SHANK2: variants seen among roughly 807,000 people sequenced by gnomAD.
SHANK2 encodes SH3 and multiple ankyrin repeat domains protein 2.
In SHANK2, 43 loss-of-function variants were observed where a neutral mutation model predicts 133.7. The observed-to-expected ratio is 0.32, with a 90% CI of 0.25 to 0.41. SHANK2 has a LOEUF of 0.41. Among genes scored for constraint, SHANK2 ranks in the 10% least tolerant of loss-of-function variants. SHANK2 has a pLI of 1.00. For missense variants in SHANK2, 1,994 were observed against 2,235.8 expected, an observed-to-expected ratio of 0.89 and a Z score of 2.18; for synonymous variants, 1,017 against 952.8, an observed-to-expected ratio of 1.07 and a Z score of -1.24.
intron 10 of SHANK2, among the ~76,000 whole-genome samples, chr11:70,915,237 C>T (rs1950253631): frequency 6.6e-6 from 1 of 152,194 alleles, no homozygotes; most frequent in Admixed American, 6.5e-5. Flanking sequence ...TTTGCTGCCA[C>T]TGGGAATCTC....
At chr11:70,885,194 A>AGGGGAACCGCGCGGGGAACCGCGC (rs56188788) in intron 11 of SHANK2, among the ~76,000 whole-genome samples, 2,536 of 151,642 alleles carry the variant, frequency 0.017, 50 homozygotes, top group East Asian at 0.057. Context: ...CGCTGTATAG[A>AGGGGAACCGCGCGGGGAACCGCGC]GGGGAACCGC....
chr11:70,773,559 C>T (rs1400824053), intron 14 of SHANK2, among the ~76,000 whole-genome samples: 7 of 152,182 alleles, frequency 4.6e-5, no homozygotes, highest in African/African-American at 7.2e-5. Context: ...TGACTATGAA[C>T]GTGGGATAGA....
chr11:71,164,551 A>G (rs1363178314), intron 2 of SHANK2, among the ~76,000 whole-genome samples: 1 of 152,212 alleles, frequency 6.6e-6, no homozygotes, highest in African/African-American at 2.4e-5. Flanking sequence ...CACCTTCTAA[A>G]CTATGGGTTA....
At chr11:70,533,294 T>G (rs1224787204) in intron 17 of SHANK2, among the ~76,000 whole-genome samples, 1 of 152,198 alleles carries the variant, frequency 6.6e-6, no homozygotes, top group African/African-American at 2.4e-5. Context: ...CTTGCTGTGT[T>G]GTCTAGGCTG....
intron 21 of SHANK2, among the ~76,000 whole-genome samples, chr11:70,495,576 C>T (rs1555156909): frequency 6.6e-6 from 1 of 152,222 alleles, no homozygotes; most frequent in African/African-American, 2.4e-5. Flanking sequence ...GTGTCTCCTG[C>T]ACCAGGGAGT....
intron 3 of SHANK2, among the ~76,000 whole-genome samples, chr11:71,145,691 G>C (rs2135398476): frequency 6.6e-6 from 1 of 152,314 alleles, no homozygotes; most frequent in East Asian, 1.9e-4. Context: ...TGGGACCCTG[G>C]ATGGGCACCA....
At chr11:70,546,838 G>A (rs2059702172) in intron 17 of SHANK2, among the ~76,000 whole-genome samples, 1 of 152,184 alleles carries the variant, frequency 6.6e-6, no homozygotes, top group African/African-American at 2.4e-5. Context: ...ACCTTCTGGG[G>A]GGCATCCTGC....
At chr11:70,607,653 C>G (rs1406573406) in intron 17 of SHANK2, among the ~76,000 whole-genome samples, 1 of 152,210 alleles carries the variant, frequency 6.6e-6, no homozygotes, top group Admixed American at 6.5e-5. Flanking sequence ...CCCTGTATAC[C>G]CCTGGCTTGT....
chr11:70,615,076 T>G (rs1262301968), intron 17 of SHANK2, among the ~76,000 whole-genome samples: 1 of 152,236 alleles, frequency 6.6e-6, no homozygotes, highest in Non-Finnish European at 1.5e-5. Flanking sequence ...TCTGCAATGC[T>G]TCATGGAAGA....
chr11:70,618,442 C>T (rs2060785662), intron 17 of SHANK2, among the ~76,000 whole-genome samples: 2 of 152,218 alleles, frequency 1.3e-5, no homozygotes, highest in Admixed American at 6.5e-5. Context: ...TATGTCTAGC[C>T]TAACCATCTG....
chr11:70,613,663 A>G (rs1565179862), intron 17 of SHANK2, among the ~76,000 whole-genome samples: 1 of 152,040 alleles, frequency 6.6e-6, no homozygotes, highest in African/African-American at 2.4e-5. Flanking sequence ...AAGGAGGGTC[A>G]TTACAGATGT....
At chr11:70,812,019 A>T (rs1948292175) in intron 12 of SHANK2, among the ~76,000 whole-genome samples, 1 of 152,256 alleles carries the variant, frequency 6.6e-6, no homozygotes, top group African/African-American at 2.4e-5. Flanking sequence ...ATCAGGAGTA[A>T]CTGTGATAAC....
At chr11:70,601,641 C>T (rs1281861851) in intron 17 of SHANK2, among the ~76,000 whole-genome samples, 2 of 152,104 alleles carry the variant, frequency 1.3e-5, no homozygotes, top group Non-Finnish European at 1.5e-5. Flanking sequence ...CGTGAGCCAC[C>T]GCGCCCGGCC....
At chr11:70,658,208 AACACACACAC>A (rs782131753) in intron 17 of SHANK2, among the ~76,000 whole-genome samples, 142 of 97,560 alleles carry the variant, frequency 1.5e-3, no homozygotes, top group Middle Eastern at 6.1e-3. Flanking sequence ...ACGCCCCCCC[AACACACACAC>A]ACACACACAC....
chr11:70,910,433 T>G (rs1385588415), intron 10 of SHANK2, among the ~76,000 whole-genome samples: 1 of 152,134 alleles, frequency 6.6e-6, no homozygotes, highest in Non-Finnish European at 1.5e-5. Flanking sequence ...TTGTCACAGA[T>G]GGACACACAG....
chr11:70,936,993 T>G (rs1244181379), intron 10 of SHANK2, among the ~76,000 whole-genome samples: 1 of 152,220 alleles, frequency 6.6e-6, no homozygotes, highest in African/African-American at 2.4e-5. Context: ...GGCCTGACCT[T>G]TTTTGAAATG....
chr11:71,057,441 A>G (rs1356171884), intron 9 of SHANK2, among the ~76,000 whole-genome samples: 1 of 152,242 alleles, frequency 6.6e-6, no homozygotes, highest in Non-Finnish European at 1.5e-5. Context: ...CTTAAAGTCT[A>G]TATTATAGAA....
At chr11:71,223,484 C>T (rs1160173086) in intron 2 of SHANK2, among the ~76,000 whole-genome samples, 1 of 152,198 alleles carries the variant, frequency 6.6e-6, no homozygotes, top group Non-Finnish European at 1.5e-5. Context: ...GTATAGCAAA[C>T]ATTTACATAT....
At chr11:70,583,410 C>T (rs566726675) in intron 17 of SHANK2, among the ~76,000 whole-genome samples, 5 of 152,200 alleles carry the variant, frequency 3.3e-5, no homozygotes, top group African/African-American at 9.6e-5. Flanking sequence ...CCCTGATCTT[C>T]GGGGCTGTGG....
Sources: allele counts gnomAD v4.1 joint callset (sites outside exome capture counted in the v4.1 genomes callset), GRCh38; gene constraint gnomAD v4.1.1; transcripts MANE v1.5; gene names NCBI Gene and HGNC (gene_info 2026-07-23, HGNC 2026-07-21).